The following SLC27A6 variants were observed in gnomAD, a reference collection of about 807,000 sequenced individuals.
SLC27A6 encodes solute carrier family 27 member 6.
SLC27A6 carries 74 observed loss-of-function variants against 63.9 expected under a neutral mutation model. That is an observed-to-expected ratio of 1.16 (90% CI 0.96 to 1.40). The LOEUF is 1.40. SLC27A6 is among the 40% of genes most tolerant of loss of function. The pLI, the probability that SLC27A6 is intolerant of heterozygous loss-of-function variation, is 0.00. For synonymous variants in SLC27A6, 287 were observed against 260.8 expected (o/e 1.10, Z -0.97); for missense variants, 794 against 732.9 (o/e 1.08, Z -0.96).
chr5:129,002,486 C>CTTGT (rs1751374515), intron 4 of SLC27A6, among the ~76,000 whole-genome samples: 3 of 94,486 alleles, frequency 3.2e-5, no homozygotes, highest in African/African-American at 8.4e-5. Context: ...CCTTCCCTCT[C>CTTGT]TCGTTCCTTC....
At chr5:128,984,959 T>C (rs1345208949) in intron 1 of SLC27A6, among the ~76,000 whole-genome samples, 174 bp from the exon 2 acceptor site, 1 of 152,220 alleles carries the variant, frequency 6.6e-6, no homozygotes, top group Non-Finnish European at 1.5e-5. Context: ...TCCCTTTCAG[T>C]TGGTCCTGTT....
At chr5:129,017,558 GA>G (rs1354929785) in intron 5 of SLC27A6, among the ~76,000 whole-genome samples, 1 of 151,848 alleles carries the variant, frequency 6.6e-6, no homozygotes, top group African/African-American at 2.4e-5. Context: ...TAATGACATA[GA>G]AAAAATGTTT....
chr5:128,996,111 C>T (rs775110043), intron 4 of SLC27A6, among the ~76,000 whole-genome samples: 7 of 152,044 alleles, frequency 4.6e-5, no homozygotes, highest in South Asian at 2.1e-4. Flanking sequence ...ATCTGAAGCT[C>T]GAATAGTACA....
intron 5 of SLC27A6, among the ~76,000 whole-genome samples, chr5:129,016,975 C>G (rs998095896): frequency 3.9e-5 from 6 of 152,104 alleles, no homozygotes; most frequent in Non-Finnish European, 7.4e-5. Context: ...GGAACTTATA[C>G]TCAACAATAA....
At chr5:129,010,043 G>A (rs1047955547) in intron 4 of SLC27A6, among the ~76,000 whole-genome samples, 4 of 152,130 alleles carry the variant, frequency 2.6e-5, no homozygotes, top group Admixed American at 1.3e-4. Context: ...TTTTAAAGGC[G>A]TCCCTGCTAA....
Position 129,016,000 on chromosome 5 carries a change from C to T in SLC27A6, c.1085C>T (p.Ala362Val). 1.2e-6 allele frequency: 2 copies of T among 1,609,866 alleles called. No individual in the cohort carries two copies. Among genetic ancestry groups the T allele is most frequent in the Admixed American group, 1.7e-5 (1 of 58,982 alleles). Residue 362 changes from alanine (A) to valine (V), a missense_variant, in exon 5 of 10, where the codon GCA (alanine) becomes GTA (valine). Ala to Val is a moderately conservative substitution (Grantham distance 64). Coordinates refer to ENST00000262462, the MANE Select transcript of SLC27A6 (RefSeq NM_001017372.3). ...FGNIKVCELY[A>V]ATESSISFMN... ...AATATAAAGGTGTGTGAACTTTATG[C>T]AGCTACCGAATCAAGCATATCTTTC... is the stretch of plus-strand genomic sequence containing the variant.
chr5:129,010,115 A>G (rs906182613), intron 4 of SLC27A6, among the ~76,000 whole-genome samples: 3 of 152,346 alleles, frequency 2.0e-5, no homozygotes, highest in South Asian at 4.1e-4. Flanking sequence ...TTCTCCCAGT[A>G]TAAATTAGTT....
chr5:128,981,350 G>A (rs962287893), intron 1 of SLC27A6, among the ~76,000 whole-genome samples: 4 of 151,858 alleles, frequency 2.6e-5, no homozygotes, highest in African/African-American at 9.7e-5. Flanking sequence ...GTGTGGTGGT[G>A]GGCATCTGTA....
chr5:129,006,205 A>T (rs1751527592), intron 4 of SLC27A6, among the ~76,000 whole-genome samples: 2 of 150,252 alleles, frequency 1.3e-5, no homozygotes, highest in Non-Finnish European at 3.0e-5. Context: ...CAGCCTCCCG[A>T]GTAGCTGGCA....
At chr5:128,969,132 T>G (rs1451213414) in intron 1 of SLC27A6, among the ~76,000 whole-genome samples, 1 of 152,210 alleles carries the variant, frequency 6.6e-6, no homozygotes, top group Non-Finnish European at 1.5e-5. Flanking sequence ...TATCTCTGTT[T>G]TGGTACTAGT....
chr5:128,985,291 C>A lies in SLC27A6; in HGVS notation c.640C>A (p.Leu214Ile). The change falls in exon 2 of 10, where the codon CTC becomes ATC. Residue 214 changes from leucine to isoleucine, a missense_variant. Coordinates refer to ENST00000262462, the MANE Select transcript of SLC27A6 (RefSeq NM_001017372.3). ...GCCACGCAGCCACCATGTTGTCTCA[C>A]TCCTCAAGTCTACTTGTCTTTACAT... Reference protein sequence around the residue: ...PVPRSHHVVSLLKSTCLYIFT... With the variant: ...PVPRSHHVVSILKSTCLYIFT... 6.2e-7 allele frequency: 1 copy of A among 1,614,128 alleles called. No homozygotes were observed. The highest frequency in any genetic ancestry group is 8.5e-7 in the Non-Finnish European group (1 of 1,180,008).
At chr5:129,020,656 A>G (rs1752044992) in intron 5 of SLC27A6, among the ~76,000 whole-genome samples, 2 of 152,116 alleles carry the variant, frequency 1.3e-5, no homozygotes, top group Non-Finnish European at 2.9e-5. Flanking sequence ...AAGCTGTTTT[A>G]TTGCCTTAAA....
chr5:128,979,373 T>C (rs1406804125), intron 1 of SLC27A6, among the ~76,000 whole-genome samples: 2 of 152,052 alleles, frequency 1.3e-5, no homozygotes, highest in Non-Finnish European at 2.9e-5. Flanking sequence ...AGCTCTTCTC[T>C]GGCCAAAAAG....
intron 1 of SLC27A6, among the ~76,000 whole-genome samples, chr5:128,968,802 C>T (rs1449356032): frequency 6.6e-6 from 1 of 151,956 alleles, no homozygotes; most frequent in African/African-American, 2.4e-5. Flanking sequence ...CTTTTGTTGC[C>T]ATTGCTTTTG....
At chr5:129,024,498 C>A (rs40977) in intron 6 of SLC27A6, among the ~76,000 whole-genome samples, 1 of 151,770 alleles carries the variant, frequency 6.6e-6, no homozygotes, top group Non-Finnish European at 1.5e-5. Context: ...TTATTGTGGA[C>A]GATTAAATGG....
chr5:129,031,199 T>C (rs1219590351), intron 9 of SLC27A6, among the ~76,000 whole-genome samples: 2 of 152,070 alleles, frequency 1.3e-5, no homozygotes, highest in African/African-American at 4.8e-5. Flanking sequence ...ATGACTGTTA[T>C]GTTTATTAGA....
intron 5 of SLC27A6, among the ~76,000 whole-genome samples, chr5:129,020,493 T>TG (rs35399008): frequency 0.094 from 14,272 of 151,238 alleles, 1,513 homozygotes; most frequent in East Asian, 0.52. Context: ...AAAATGGGAG[T>TG]GGGGGGGAGG....
At chr5:128,968,417 G>A (rs533782027) in intron 1 of SLC27A6, among the ~76,000 whole-genome samples, 2 of 152,140 alleles carry the variant, frequency 1.3e-5, no homozygotes, top group East Asian at 1.9e-4. Flanking sequence ...ATCCTCTCCC[G>A]CACCTATTGT....
intron 1 of SLC27A6, among the ~76,000 whole-genome samples, chr5:128,975,386 G>A (rs1050722001): frequency 1.2e-4 from 19 of 152,186 alleles, no homozygotes; most frequent in African/African-American, 3.9e-4. Context: ...AAATGTGTTA[G>A]GTGATTTTGT....
Sources: gnomAD v4.1 joint callset for allele counts (sites outside exome capture counted in the v4.1 genomes callset) on GRCh38, gnomAD v4.1.1 for gene constraint, MANE v1.5 for transcripts, NCBI Gene and HGNC (gene_info 2026-07-23, HGNC 2026-07-21) for gene names.